Variants in LRP1B observed in about 807,000 individuals in gnomAD.
LRP1B encodes the protein LDL receptor related protein 1B, also known as low-density lipoprotein receptor-related protein 1B.
A neutral mutation model predicts 556.6 loss-of-function variants in LRP1B; 217 were observed. The ratio of observed to expected loss-of-function variants is 0.39; its 90% confidence interval spans 0.35 to 0.44. LRP1B has a LOEUF of 0.44. Among genes scored for constraint, LRP1B ranks in the 20% least tolerant of loss-of-function variants. LRP1B has a pLI of 1.00. For missense variants in LRP1B, 5,053 were observed against 5,620.8 expected (o/e 0.90, Z 3.23); for synonymous variants, 2,047 against 1,865.8 (o/e 1.10, Z -2.50).
intron 7 of LRP1B, among the ~76,000 whole-genome samples, chr2:141,121,445 T>A (rs906303323): frequency 1.3e-5 from 2 of 151,974 alleles, no homozygotes; most frequent in Non-Finnish European, 2.9e-5. Context: ...GCCATTCTTA[T>A]ACACCAATAA....
At position 140,950,288 on chromosome 2, in the gene LRP1B, T is replaced by A. The variant is rs1274717341; in HGVS notation, c.3083A>T (p.Asp1028Val). 3 of 1,613,080 alleles carry A rather than the reference T, an allele frequency of 1.9e-6. No homozygotes were observed. Among genetic ancestry groups the A allele is most frequent in the East Asian group, 4.5e-5 (2 of 44,770 alleles). Residue 1028 changes from aspartate to valine, a missense_variant, in exon 20 of 91, where the codon GAC (aspartate) becomes GTC (valine). This residue lies in a region of LRP1B where 3,619 missense variants were observed against 3,931.9 expected (regional missense o/e 0.92). Transcript: ENST00000389484. ...ATCACTGAAGTCCCCACAGTCATTG[T>A]CACCATCACAGGCCCAGTGGCCTGG... ...CIPGHWACDG[D>V]NDCGDFSDEA... is the part of the protein sequence containing the mutation.
intron 35 of LRP1B, among the ~76,000 whole-genome samples, chr2:140,753,078 C>T (rs966045637): frequency 6.6e-6 from 1 of 152,156 alleles, no homozygotes; most frequent in Non-Finnish European, 1.5e-5. Flanking sequence ...GATCTTTTTA[C>T]TGTCTCCATA....
At chr2:141,470,537 A>G (rs1433889246) in intron 3 of LRP1B, among the ~76,000 whole-genome samples, 3 of 152,162 alleles carry the variant, frequency 2.0e-5, no homozygotes, top group Non-Finnish European at 2.9e-5. Context: ...TCATAATGTT[A>G]TGCACTTCTC....
intron 3 of LRP1B, among the ~76,000 whole-genome samples, chr2:141,299,907 T>G (rs111302063): frequency 2.6e-5 from 4 of 152,182 alleles, no homozygotes; most frequent in Non-Finnish European, 5.9e-5. Context: ...AATGTTTGTG[T>G]CCAGCCAAAT....
intron 2 of LRP1B, among the ~76,000 whole-genome samples, chr2:141,650,924 C>T (rs1384048871): frequency 6.6e-6 from 1 of 152,206 alleles, no homozygotes; most frequent in Non-Finnish European, 1.5e-5. Context: ...CACATTCCAA[C>T]TACACGGATG....
chr2:142,015,081 A>C lies in LRP1B; in HGVS notation c.82+115567T>G, dbSNP rs1011452373. On this transcript the variant is annotated intron_variant, in intron 1 of 90. Transcript: ENST00000389484. ...ACATTTAAATTGTTTCCTTATGGTA[A>C]AATGAAAAAGTTAACAACCATAAGT... Among the ~76,000 whole-genome samples, 4 of 152,216 alleles carry C rather than the reference A, an allele frequency of 2.6e-5. No individual in the cohort carries two copies. In the South Asian group the frequency reaches 8.3e-4, roughly 32 times the overall value.
chr2:140,803,764 G>C (rs968429423), intron 32 of LRP1B, among the ~76,000 whole-genome samples: 6 of 151,928 alleles, frequency 3.9e-5, no homozygotes, highest in African/African-American at 1.5e-4. Flanking sequence ...AGAAGTAAAG[G>C]ACATTTCAGA....
intron 43 of LRP1B, among the ~76,000 whole-genome samples, chr2:140,582,159 T>C (rs1681792395): frequency 6.6e-6 from 1 of 152,228 alleles, no homozygotes; most frequent in Non-Finnish European, 1.5e-5. Context: ...TATTTGATTG[T>C]ACCTTGGGTA....
intron 66 of LRP1B, among the ~76,000 whole-genome samples, chr2:140,415,767 C>T (rs1685171149): frequency 6.7e-6 from 1 of 150,034 alleles, no homozygotes; most frequent in Admixed American, 6.7e-5. Context: ...TTCTAGTCCC[C>T]ACCCATTCCT....
chr2:141,562,860 A>T (rs1271870355), intron 2 of LRP1B, among the ~76,000 whole-genome samples: 1 of 152,036 alleles, frequency 6.6e-6, no homozygotes, highest in Non-Finnish European at 1.5e-5. Context: ...AAATTTCCTC[A>T]CTAGAAATAT....
chr2:141,469,610 C>A (rs1682383604), intron 3 of LRP1B, among the ~76,000 whole-genome samples: 1 of 152,036 alleles, frequency 6.6e-6, no homozygotes, highest in African/African-American at 2.4e-5. Flanking sequence ...ATTTAAAAAG[C>A]CACAAAAATA....
chr2:141,118,979 T>C (rs1700975441), intron 7 of LRP1B, among the ~76,000 whole-genome samples: 1 of 151,900 alleles, frequency 6.6e-6, no homozygotes, highest in Non-Finnish European at 1.5e-5. Context: ...GTCTGCCTTC[T>C]CAGCAGATAG....
At chr2:141,151,521 T>C (rs1172483150) in intron 7 of LRP1B, among the ~76,000 whole-genome samples, 3 of 152,306 alleles carry the variant, frequency 2.0e-5, no homozygotes, top group Admixed American at 6.5e-5. Context: ...GTCTTGTTCA[T>C]AGATTATGAA....
intron 7 of LRP1B, among the ~76,000 whole-genome samples, chr2:141,085,360 A>C (rs566811373): frequency 5.0e-4 from 76 of 152,324 alleles, no homozygotes; most frequent in African/African-American, 1.8e-3. Context: ...TGTACCTCAG[A>C]ATGTGACTGT....
At chr2:140,682,762 G>A (rs1685907876) in intron 41 of LRP1B, among the ~76,000 whole-genome samples, 1 of 151,680 alleles carries the variant, frequency 6.6e-6, no homozygotes, top group South Asian at 2.1e-4. Flanking sequence ...TGTGAACCAA[G>A]TGAAATATAA....
chr2:141,077,968 A>ATT (rs76152375), intron 7 of LRP1B, among the ~76,000 whole-genome samples: 36,365 of 142,838 alleles, frequency 0.25, 4,736 homozygotes, highest in East Asian at 0.43. Flanking sequence ...TCAGGTAGGA[A>ATT]TTTTTTTTTT....
intron 41 of LRP1B, among the ~76,000 whole-genome samples, chr2:140,633,525 C>T (rs1006135381): frequency 6.6e-6 from 1 of 151,920 alleles, no homozygotes; most frequent in Non-Finnish European, 1.5e-5. Context: ...AGTAAATCAA[C>T]AAAATCAAAA....
intron 7 of LRP1B, among the ~76,000 whole-genome samples, chr2:141,105,533 A>G (rs1438671417): frequency 6.6e-6 from 1 of 152,148 alleles, no homozygotes; most frequent in Non-Finnish European, 1.5e-5. Context: ...TATAAGACGG[A>G]GAAAGCTTAA....
chr2:141,317,192 T>A (rs188423434), intron 3 of LRP1B, among the ~76,000 whole-genome samples: 213 of 152,324 alleles, frequency 1.4e-3, no homozygotes, highest in Middle Eastern at 3.4e-3. Flanking sequence ...TATTGCTATA[T>A]TGGATAAACT....
Sources: gnomAD v4.1 joint callset for allele counts (sites outside exome capture counted in the v4.1 genomes callset) on GRCh38, gnomAD v4.1.1 for gene constraint, gnomAD v4.1.1 regional missense constraint, MANE v1.5 for transcripts, NCBI Gene and HGNC (gene_info 2026-07-23, HGNC 2026-07-21) for gene names.